The following RFX8 variants were observed in gnomAD, a reference collection of about 807,000 sequenced individuals.
RFX8 encodes the protein regulatory factor X8.
In RFX8, 46 loss-of-function variants were observed where a neutral mutation model predicts 54.6. The ratio of observed to expected loss-of-function variants is 0.84; its 90% confidence interval spans 0.67 to 1.08. RFX8 has a LOEUF of 1.08. Ranked by LOEUF, RFX8 falls within the 50% of genes least tolerant of loss-of-function variation. RFX8 has a pLI of 0.00. For missense variants in RFX8, 536 were observed against 562.3 expected, an observed-to-expected ratio of 0.95 and a Z score of 0.47; for synonymous variants, 192 against 209.5, an observed-to-expected ratio of 0.92 and a Z score of 0.72.
intron 2 of RFX8, among the ~76,000 whole-genome samples, chr2:101,446,814 TG>T (rs1433324288): frequency 5.5e-5 from 1 of 18,194 alleles, no homozygotes; most frequent in Non-Finnish European, 1.1e-4. Context: ...GGGGTGGGGG[TG>T]GGGGGGCACA....
intron 2 of RFX8, among the ~76,000 whole-genome samples, chr2:101,440,959 T>A (rs1171889671): frequency 9.6e-6 from 1 of 103,766 alleles, no homozygotes; most frequent in Non-Finnish European, 2.0e-5. Flanking sequence ...CTGAAACCCA[T>A]GTTGAAATTT....
intron 1 of RFX8, among the ~76,000 whole-genome samples, chr2:101,468,481 G>A (rs1056625116): frequency 1.3e-5 from 2 of 152,018 alleles, no homozygotes; most frequent in Admixed American, 6.6e-5. Context: ...GTAGAGACGG[G>A]GTTTTGCCAT....
chr2:101,414,600 T>C (rs1686381349), intron 7 of RFX8, among the ~76,000 whole-genome samples: 1 of 152,098 alleles, frequency 6.6e-6, no homozygotes, highest in Non-Finnish European at 1.5e-5. Context: ...AGTGTTGACC[T>C]GCCTTCCCTC....
At chr2:101,471,851 C>T (rs917592336) in intron 1 of RFX8, among the ~76,000 whole-genome samples, 4 of 152,224 alleles carry the variant, frequency 2.6e-5, no homozygotes, top group Non-Finnish European at 4.4e-5. Context: ...TAACAAGCGA[C>T]TGATTAGAAG....
intron 2 of RFX8, among the ~76,000 whole-genome samples, chr2:101,424,848 A>G (rs1266463761): frequency 1.3e-5 from 2 of 152,136 alleles, no homozygotes; most frequent in African/African-American, 4.8e-5. Context: ...GGGGAACATC[A>G]CACACCAGGG....
At chr2:101,423,843 C>T (rs1287543763) in intron 2 of RFX8, among the ~76,000 whole-genome samples, 2 of 152,148 alleles carry the variant, frequency 1.3e-5, no homozygotes, top group Non-Finnish European at 2.9e-5. Flanking sequence ...GTGTTTTCCT[C>T]CTCTCCGATG....
chr2:101,399,892 T>C lies in RFX8; in HGVS notation c.1246-2168A>G, dbSNP rs578229654. Among the ~76,000 whole-genome samples the C allele has an allele frequency of 2.0e-4, 30 of 152,260 alleles. No homozygotes were observed. The South Asian group carries it at 6.0e-3, about 30-fold the overall frequency. On this transcript the variant is annotated intron_variant, in intron 11 of 11. Transcript: ENST00000428343. Reference sequence around the variant, plus strand: ...AGACCAATTTTGGAATTAAAGCAGATGGTAGAAAACACTGTTGGGGAGAGA... The same window carrying C: ...AGACCAATTTTGGAATTAAAGCAGACGGTAGAAAACACTGTTGGGGAGAGA...
chr2:101,468,277 C>T (rs748681583), intron 1 of RFX8, among the ~76,000 whole-genome samples: 7 of 152,152 alleles, frequency 4.6e-5, no homozygotes, highest in South Asian at 2.1e-4. Context: ...CCAGCAAGGT[C>T]GGTTCCTTCC....
At chr2:101,442,929 G>A (rs528557413) in intron 2 of RFX8, among the ~76,000 whole-genome samples, 1 of 152,254 alleles carries the variant, frequency 6.6e-6, no homozygotes, top group South Asian at 2.1e-4. Context: ...CAAGAGGCTT[G>A]TTGAAGCTGG....
intron 1 of RFX8, among the ~76,000 whole-genome samples, chr2:101,469,874 G>A (rs1333726994): frequency 1.3e-5 from 2 of 152,134 alleles, no homozygotes; most frequent in African/African-American, 4.8e-5. Flanking sequence ...TGCCACACAT[G>A]GAAAGAAAGG....
chr2:101,427,392 G>A (rs1248005427), intron 2 of RFX8, among the ~76,000 whole-genome samples: 1 of 152,180 alleles, frequency 6.6e-6, no homozygotes, highest in Non-Finnish European at 1.5e-5. Context: ...AGCGTGAGAA[G>A]GATCCGGCCT....
chr2:101,466,307 C>CG (rs1329558329), intron 2 of RFX8, among the ~76,000 whole-genome samples: 2 of 79,228 alleles, frequency 2.5e-5, no homozygotes, highest in South Asian at 5.0e-4. Context: ...AATTCTATCT[C>CG]GGAAAAAAAA....
At chr2:101,429,914 G>T (rs1331650074) in intron 2 of RFX8, among the ~76,000 whole-genome samples, 1 of 152,134 alleles carries the variant, frequency 6.6e-6, no homozygotes, top group Non-Finnish European at 1.5e-5. Flanking sequence ...AAATAGGATG[G>T]TTCTACGTCC....
chr2:101,423,060 C>G (rs185649801), intron 2 of RFX8, among the ~76,000 whole-genome samples: 1 of 152,088 alleles, frequency 6.6e-6, no homozygotes, highest in Non-Finnish European at 1.5e-5. Flanking sequence ...TAGTTCAAGA[C>G]CAGCCTAGCC....
chr2:101,423,181 C>A (rs1166498775), intron 2 of RFX8, among the ~76,000 whole-genome samples: 4 of 150,254 alleles, frequency 2.7e-5, no homozygotes, highest in Non-Finnish European at 5.9e-5. Flanking sequence ...TTGCTTGAGC[C>A]CGGGAAATGG....
chr2:101,459,086 C>T (rs1284046105), intron 2 of RFX8, among the ~76,000 whole-genome samples: 1 of 152,168 alleles, frequency 6.6e-6, no homozygotes, highest in Non-Finnish European at 1.5e-5. Context: ...CTTCTCTACA[C>T]TGTTTATTCT....
At chr2:101,449,965 C>T (rs1688589131) in intron 2 of RFX8, among the ~76,000 whole-genome samples, 1 of 151,930 alleles carries the variant, frequency 6.6e-6, no homozygotes, top group African/African-American at 2.4e-5. Context: ...TCAAATTTTG[C>T]AGAAAGGTTG....
chr2:101,429,116 G>T, intron 2 of RFX8: 1 of 712,884 alleles, frequency 1.4e-6, no homozygotes, highest in Non-Finnish European at 2.4e-6. Flanking sequence ...ATTTGTTTAG[G>T]GGTATAACTT....
intron 2 of RFX8, among the ~76,000 whole-genome samples, chr2:101,460,034 A>G (rs992234011): frequency 3.9e-5 from 6 of 152,192 alleles, no homozygotes; most frequent in African/African-American, 7.2e-5. Flanking sequence ...CTCCATGGGC[A>G]TGGGACCCAC....
Sources: gnomAD v4.1 joint callset for allele counts (sites outside exome capture counted in the v4.1 genomes callset) on GRCh38, gnomAD v4.1.1 for gene constraint, MANE v1.5 for transcripts, NCBI Gene and HGNC (gene_info 2026-07-23, HGNC 2026-07-21) for gene names.